PCMTD1: variants seen among roughly 807,000 people sequenced by gnomAD.
The protein encoded by PCMTD1 is protein-L-isoaspartate (D-aspartate) O-methyltransferase domain containing 1.
A neutral mutation model predicts 37.6 loss-of-function variants in PCMTD1; 12 were observed. The observed-to-expected ratio is 0.32, with a 90% CI of 0.20 to 0.52. The LOEUF (loss-of-function observed/expected upper bound fraction) is 0.52. Ranked by LOEUF, PCMTD1 falls within the 20% of genes least tolerant of loss-of-function variation. The pLI is 0.97. For synonymous variants in PCMTD1, 117 were observed against 135.8 expected (o/e 0.86, Z 0.96); for missense variants, 235 against 421.3 (o/e 0.56, Z 3.87).
chr8:51,869,689 G>A (rs2038611119), intron 1 of PCMTD1, among the ~76,000 whole-genome samples: 1 of 151,976 alleles, frequency 6.6e-6, no homozygotes, highest in African/African-American at 2.4e-5. Context: ...TTGAGAGAAA[G>A]ACGAAAAAGG....
rs757825928 is a variant in PCMTD1 at position 51,820,677 on chromosome 8, A to C, written c.748T>G (p.Tyr250Asp). Residue 250 changes from tyrosine (Y) to aspartate (D), a missense_variant, in exon 6 of 6, where the codon TAC becomes GAC. Transcript: ENST00000522514. ...VRNLQDLARIYIRRTLRNFIN... is the reference protein window; with the variant it reads ...VRNLQDLARIDIRRTLRNFIN... ...AAATTTCTAAGTGTGCGTCGAATGT[A>C]AATACGAGCCAAGTCCTGTAGATTC... is the stretch of plus-strand genomic sequence containing the variant. 2 of 1,613,656 alleles carry C rather than the reference A, an allele frequency of 1.2e-6. No individual in the cohort carries two copies. Among genetic ancestry groups the C allele is most frequent in the Non-Finnish European group, 1.7e-6 (2 of 1,179,854 alleles).
chr8:51,861,519 G>A (rs1012141379), intron 1 of PCMTD1, among the ~76,000 whole-genome samples: 1 of 151,930 alleles, frequency 6.6e-6, no homozygotes, highest in Non-Finnish European at 1.5e-5. Context: ...CCATTATGGT[G>A]GCCACTAGTC....
At chr8:51,821,135 T>A (rs1486395959) in intron 5 of PCMTD1, among the ~76,000 whole-genome samples, 1 of 152,214 alleles carries the variant, frequency 6.6e-6, no homozygotes, top group Non-Finnish European at 1.5e-5. Flanking sequence ...TCCCATCCCC[T>A]ATGAAGTTTT....
intron 2 of PCMTD1, among the ~76,000 whole-genome samples, chr8:51,859,672 A>C (rs1287180627): frequency 6.6e-6 from 1 of 152,194 alleles, no homozygotes; most frequent in East Asian, 1.9e-4. Context: ...CAGACACTTC[A>C]AGGAATGAAA....
intron 2 of PCMTD1, among the ~76,000 whole-genome samples, chr8:51,858,921 C>T (rs1350441315): frequency 6.6e-6 from 1 of 152,174 alleles, no homozygotes; most frequent in Non-Finnish European, 1.5e-5. Context: ...TTAAGACATT[C>T]ATGATACAAT....
chr8:51,847,003 G>C (rs2038231601), intron 2 of PCMTD1, among the ~76,000 whole-genome samples: 1 of 152,118 alleles, frequency 6.6e-6, no homozygotes, highest in Admixed American at 6.5e-5. Context: ...AACTTCCTTT[G>C]CAATGTTTTT....
At chr8:51,854,759 C>A (rs1275177675) in intron 2 of PCMTD1, among the ~76,000 whole-genome samples, 1 of 152,100 alleles carries the variant, frequency 6.6e-6, no homozygotes, top group Non-Finnish European at 1.5e-5. Flanking sequence ...TGCCTGCAAT[C>A]CCAGCTACTT....
At chr8:51,850,168 T>C in intron 2 of PCMTD1, 1 of 687,876 alleles carries the variant, frequency 1.5e-6, no homozygotes, top group Non-Finnish European at 2.6e-6. Flanking sequence ...TTGTATAATC[T>C]AAGACCAGTC....
chr8:51,825,722 A>G lies in PCMTD1; in HGVS notation c.707-5004T>C, dbSNP rs1177613723. 6.8e-5 allele frequency among the ~76,000 whole-genome samples: 10 copies of G among 147,834 alleles called. 1 individual carries two copies. Among genetic ancestry groups the G allele is most frequent in the African/African-American group, 2.4e-4 (10 of 41,134 alleles). On this transcript the variant is annotated intron_variant, in intron 5 of 5. Transcript: ENST00000522514. ...TCTCAAAAAAAAAAAAAAAAAAAAA[A>G]AAAAGATATTTATGCAACCAACAAG...
chr8:51,823,441 GGC>G, intron 5 of PCMTD1, among the ~76,000 whole-genome samples: 1 of 152,092 alleles, frequency 6.6e-6, no homozygotes, highest in South Asian at 2.1e-4. Flanking sequence ...CTCCAGCCTG[GGC>G]AATAGAGTGA....
At chr8:51,867,476 G>GGTGTGTCT (rs1554524312) in intron 1 of PCMTD1, among the ~76,000 whole-genome samples, 4 of 141,484 alleles carry the variant, frequency 2.8e-5, no homozygotes, top group African/African-American at 1.1e-4. Flanking sequence ...TAAAGAAAAT[G>GGTGTGTCT]GTGTGTGTGT....
intron 3 of PCMTD1, among the ~76,000 whole-genome samples, chr8:51,834,287 A>C (rs1189905032): frequency 6.6e-6 from 1 of 152,056 alleles, no homozygotes; most frequent in African/African-American, 2.4e-5. Flanking sequence ...AATTAATACT[A>C]TTTTTTTCAT....
At chr8:51,838,599 C>T (rs2038100808) in intron 3 of PCMTD1, among the ~76,000 whole-genome samples, 1 of 152,044 alleles carries the variant, frequency 6.6e-6, no homozygotes, top group Non-Finnish European at 1.5e-5. Flanking sequence ...ACCATGTTAT[C>T]GAACACAGTA....
rs544789371 is a variant in PCMTD1, at chr8:51,891,946, G to A, written c.-96+6984C>T. ...TGTACTTGTTATTCAACAGAATTCTGACTGACATTTTTAATATGCACGAAT... is the reference window on the plus strand; with the variant it reads ...TGTACTTGTTATTCAACAGAATTCTAACTGACATTTTTAATATGCACGAAT... On this transcript the variant is annotated intron_variant, in intron 1 of 5. Transcript: ENST00000522514. 4.6e-5 allele frequency among the ~76,000 whole-genome samples: 7 copies of A among 151,812 alleles called. No homozygotes were observed. The East Asian group carries it at 1.4e-3, about 29-fold the overall frequency.
At position 51,849,234 on chromosome 8, in the gene PCMTD1, A is replaced by G. The variant is rs534094173; in HGVS notation, c.308-3471T>C. The G allele has an allele frequency of 7.2e-5, 11 of 152,246 alleles. No homozygotes were observed. The East Asian group carries it at 2.1e-3, about 29-fold the overall frequency. 9.4% of individuals were successfully genotyped at this position (152,246 alleles called of 1,614,324 possible). A position where few individuals can be genotyped will look rare whatever the true frequency, so the allele number is the denominator to read the frequency against. On this transcript the variant is annotated intron_variant, in intron 2 of 5. Coordinates refer to ENST00000522514, the MANE Select transcript of PCMTD1 (RefSeq NM_052937.4). The stretch of plus-strand genomic sequence containing the variant: ...CGTGTATAACTTTTTCAATTAAAAA[A>G]CAATGGGCTACTGAAAGATTAAAAA...
chr8:51,855,368 CA>C lies in PCMTD1; in HGVS notation c.307+5476del, dbSNP rs753723719. The stretch of plus-strand genomic sequence containing the variant: ...CATGGCGAAACCCCGTCTTTAATAC[CA>C]AAAAAAAAAAAAAATTAGCCAAGCG... On this transcript the variant is annotated intron_variant, in intron 2 of 5. Transcript: ENST00000522514. 4.1e-3 allele frequency among the ~76,000 whole-genome samples: 528 copies of C among 129,632 alleles called. 1 individual carries two copies. The highest frequency in any genetic ancestry group is 6.3e-3 in the East Asian group (27 of 4,314). The allele number at this position is 129,632 out of a possible 152,430, so 85.0% of individuals were successfully genotyped here. A position where few individuals can be genotyped will look rare whatever the true frequency, so the allele number is the denominator to read the frequency against.
chr8:51,862,265 ATTGTT>A (rs1323486748), intron 1 of PCMTD1, among the ~76,000 whole-genome samples: 1 of 152,114 alleles, frequency 6.6e-6, no homozygotes, highest in Non-Finnish European at 1.5e-5. Context: ...TTGTGTGCTG[ATTGTT>A]TTGTTTAGTA....
At chr8:51,890,626 G>A (rs1462083945) in intron 1 of PCMTD1, among the ~76,000 whole-genome samples, 1 of 152,152 alleles carries the variant, frequency 6.6e-6, no homozygotes, top group Non-Finnish European at 1.5e-5. Context: ...TACATAATCA[G>A]AACAAAACCT....
intron 5 of PCMTD1, among the ~76,000 whole-genome samples, chr8:51,821,297 C>T (rs1554519074): frequency 6.6e-6 from 1 of 151,796 alleles, no homozygotes; most frequent in Non-Finnish European, 1.5e-5. Context: ...CGCCAGCACA[C>T]CTGGATAATT....
Sources: allele counts gnomAD v4.1 joint callset (sites outside exome capture counted in the v4.1 genomes callset), GRCh38; gene constraint gnomAD v4.1.1; transcripts MANE v1.5; gene names NCBI Gene and HGNC (gene_info 2026-07-23, HGNC 2026-07-21).